Variants in C1orf21 observed in about 807,000 individuals in gnomAD.
The protein encoded by C1orf21 is chromosome 1 open reading frame 21, also known as uncharacterized protein C1orf21.
In C1orf21, 3 loss-of-function variants were observed where a neutral mutation model predicts 18.7. The ratio of observed to expected loss-of-function variants is 0.16; its 90% confidence interval spans 0.07 to 0.42. C1orf21 has a LOEUF of 0.42. Among genes scored for constraint, C1orf21 ranks in the 10% least tolerant of loss-of-function variants. The probability of loss-of-function intolerance (pLI) is 0.99; values close to 1 mark genes in which losing one functional copy is unlikely to be tolerated. For missense variants in C1orf21, 104 were observed against 143.6 expected, an observed-to-expected ratio of 0.72 and a Z score of 1.41; for synonymous variants, 41 against 46.4, an observed-to-expected ratio of 0.88 and a Z score of 0.47.
intron 2 of C1orf21, among the ~76,000 whole-genome samples, chr1:184,497,573 A>G (rs1191458228): frequency 6.6e-6 from 1 of 152,220 alleles, no homozygotes; most frequent in African/African-American, 2.4e-5. Flanking sequence ...CAAGTCATGA[A>G]TATTTTTTAT....
At chr1:184,400,435 A>G (rs1165762732) in intron 1 of C1orf21, among the ~76,000 whole-genome samples, 2 of 152,114 alleles carry the variant, frequency 1.3e-5, no homozygotes, top group Non-Finnish European at 1.5e-5. Context: ...ATATATATGT[A>G]TATATGCATG....
In C1orf21 at chr1:184,625,484, G is replaced by C. The variant is rs937959908; in HGVS notation, c.*5928G>C. Reference sequence around the variant, plus strand: ...ATAAAATTACTCTTTTCCTGGAATAGATCCAGGCAGCTGCCTTATTAGAAC... The same window carrying C: ...ATAAAATTACTCTTTTCCTGGAATACATCCAGGCAGCTGCCTTATTAGAAC... On this transcript the variant is annotated 3_prime_UTR_variant, in exon 6 of 6. Coordinates refer to ENST00000235307, the MANE Select transcript of C1orf21 (RefSeq NM_030806.4). 2 of 152,594 alleles carry C rather than the reference G, an allele frequency of 1.3e-5. No individual in the cohort carries two copies. Among genetic ancestry groups the C allele is most frequent in the Non-Finnish European group, 2.9e-5 (2 of 68,038 alleles). The allele number at this position is 152,594 out of a possible 1,614,324, so 9.5% of individuals were successfully genotyped here. A position where few individuals can be genotyped will look rare whatever the true frequency, so the allele number is the denominator to read the frequency against.
At chr1:184,423,277 G>T (rs1233689204) in intron 1 of C1orf21, among the ~76,000 whole-genome samples, 1 of 152,184 alleles carries the variant, frequency 6.6e-6, no homozygotes, top group African/African-American at 2.4e-5. Context: ...AGAGAAGAAT[G>T]GTCACCAAGT....
chr1:184,456,186 T>C (rs1200742195), intron 1 of C1orf21, among the ~76,000 whole-genome samples: 1 of 152,214 alleles, frequency 6.6e-6, no homozygotes, highest in Non-Finnish European at 1.5e-5. Flanking sequence ...TCTGCCTATA[T>C]AAGTGAAACC....
rs1659895068 is a variant in C1orf21, at chr1:184,620,190, A to C, written c.*634A>C. The C allele has an allele frequency of 6.6e-6, 1 of 152,668 alleles. No homozygotes were observed. The highest frequency in any genetic ancestry group is 1.5e-5 in the Non-Finnish European group (1 of 68,062). 9.5% of individuals were successfully genotyped at this position (152,668 alleles called of 1,614,324 possible). A position where few individuals can be genotyped will look rare whatever the true frequency, so the allele number is the denominator to read the frequency against. On this transcript the variant is annotated 3_prime_UTR_variant, in exon 6 of 6. Transcript: ENST00000235307. ...AGTGAGTGGCAGGTTGTTTGATTTAATAGGTATCTTAATCAAGAATTAAGC... is the reference window on the plus strand; with the variant it reads ...AGTGAGTGGCAGGTTGTTTGATTTACTAGGTATCTTAATCAAGAATTAAGC...
At chr1:184,590,925 C>T in intron 4 of C1orf21, 110 bp downstream of exon 4, 1 of 1,130,836 alleles carries the variant, frequency 8.8e-7, no homozygotes, top group Non-Finnish European at 1.3e-6. Flanking sequence ...AATAATAATT[C>T]TACAAAGTTC....
At chr1:184,458,452 G>A (rs1657253950) in intron 1 of C1orf21, among the ~76,000 whole-genome samples, 1 of 152,070 alleles carries the variant, frequency 6.6e-6, no homozygotes, top group South Asian at 2.1e-4. Context: ...TAGATAAAAG[G>A]ACTTTTATCT....
At chr1:184,596,849 C>T (rs1354208137) in intron 4 of C1orf21, among the ~76,000 whole-genome samples, 3 of 139,338 alleles carry the variant, frequency 2.2e-5, no homozygotes, top group African/African-American at 8.2e-5. Context: ...CCAGCCTGGG[C>T]GAAAGTGCGA....
intron 1 of C1orf21, among the ~76,000 whole-genome samples, chr1:184,391,798 C>T (rs866640951): frequency 1.3e-5 from 2 of 152,038 alleles, no homozygotes; most frequent in Non-Finnish European, 2.9e-5. Context: ...ATCTCCACCT[C>T]CTGGGTCCAA....
intron 3 of C1orf21, among the ~76,000 whole-genome samples, chr1:184,585,411 A>G (rs374811919): frequency 1.4e-4 from 22 of 152,326 alleles, no homozygotes; most frequent in African/African-American, 4.8e-4. Context: ...AATGCTCTCA[A>G]TGAAGCAGTA....
intron 1 of C1orf21, among the ~76,000 whole-genome samples, chr1:184,396,861 G>A (rs535319810): frequency 3.3e-5 from 5 of 152,312 alleles, no homozygotes; most frequent in Admixed American, 1.3e-4. Flanking sequence ...GGTTCATGAA[G>A]GCAAGACTGT....
At chr1:184,470,896 A>G (rs1213689882) in intron 1 of C1orf21, among the ~76,000 whole-genome samples, 1 of 151,952 alleles carries the variant, frequency 6.6e-6, no homozygotes, top group African/African-American at 2.4e-5. Flanking sequence ...AAAAAAGAAC[A>G]AGAAAGAGAA....
At chr1:184,437,387 TC>T (rs1169033129) in intron 1 of C1orf21, among the ~76,000 whole-genome samples, 1 of 152,116 alleles carries the variant, frequency 6.6e-6, no homozygotes, top group East Asian at 1.9e-4. Context: ...CATAAGAAGT[TC>T]CACCCAGACC....
chr1:184,492,617 A>G (rs1202964812), intron 2 of C1orf21, among the ~76,000 whole-genome samples: 1 of 152,210 alleles, frequency 6.6e-6, no homozygotes, highest in Admixed American at 6.5e-5. Context: ...GCTTCAGAAC[A>G]TTACCATGAG....
At chr1:184,422,802 A>G (rs980310251) in intron 1 of C1orf21, among the ~76,000 whole-genome samples, 1 of 152,212 alleles carries the variant, frequency 6.6e-6, no homozygotes, top group African/African-American at 2.4e-5. Context: ...TCTATTTCAC[A>G]TGTTAGACAG....
intron 4 of C1orf21, among the ~76,000 whole-genome samples, chr1:184,591,158 C>A (rs189661422): frequency 4.7e-4 from 71 of 152,210 alleles, no homozygotes; most frequent in African/African-American, 1.6e-3. Flanking sequence ...TGGAACCAAT[C>A]CCCCACAGAT....
chr1:184,421,742 A>G (rs184326399), intron 1 of C1orf21, among the ~76,000 whole-genome samples: 1 of 152,336 alleles, frequency 6.6e-6, no homozygotes, highest in Admixed American at 6.5e-5. Flanking sequence ...CATGGGTGAG[A>G]AATTCAAGAT....
At chr1:184,416,937 C>T (rs6666696) in intron 1 of C1orf21, among the ~76,000 whole-genome samples, 42,889 of 151,986 alleles carry the variant, frequency 0.28, 7,636 homozygotes, top group African/African-American at 0.51. Flanking sequence ...ACTTACTTGA[C>T]GATTTTGATG....
intron 1 of C1orf21, among the ~76,000 whole-genome samples, chr1:184,420,533 C>T (rs545748215): frequency 6.6e-6 from 1 of 152,168 alleles, no homozygotes; most frequent in East Asian, 1.9e-4. Context: ...GACATCATTG[C>T]TAAGGTGTCT....
Sources: allele counts gnomAD v4.1 joint callset (sites outside exome capture counted in the v4.1 genomes callset), GRCh38; gene constraint gnomAD v4.1.1; transcripts MANE v1.5; gene names NCBI Gene and HGNC (gene_info 2026-07-23, HGNC 2026-07-21).